Variants in SASH1 observed in about 807,000 individuals in gnomAD.
The protein encoded by SASH1 is SAM and SH3 domain-containing protein 1.
Under a neutral mutation model 125.2 loss-of-function variants are expected in SASH1, and 44 were observed. The ratio of observed to expected loss-of-function variants is 0.35; its 90% CI spans 0.28 to 0.45. The LOEUF (loss-of-function observed/expected upper bound fraction) is 0.45, where lower values mean the gene tolerates loss of function less well. Ranked by LOEUF, SASH1 falls within the 20% of genes least tolerant of loss-of-function variation. The probability of loss-of-function intolerance (pLI) is 1.00; values close to 1 mark genes in which losing one functional copy is unlikely to be tolerated. For missense variants in SASH1, 1,426 were observed against 1,614.5 expected (o/e 0.88, Z 2.00); for synonymous variants, 639 against 649.1 (o/e 0.98, Z 0.24).
At chr6:148,302,344 A>G (rs1779986336) in intron 1 of SASH1, among the ~76,000 whole-genome samples, 3 of 134,898 alleles carry the variant, frequency 2.2e-5, no homozygotes, top group Non-Finnish European at 1.6e-5. Context: ...AAAAAAAACT[A>G]GTAATATTAT....
rs372813673 is a variant in SASH1, at chr6:148,492,971, A to G, written c.729+5256A>G. Among the ~76,000 whole-genome samples the G allele has an allele frequency of 8.5e-5, 13 of 152,370 alleles. No individual in the cohort carries two copies. In the East Asian group the frequency reaches 2.5e-3, roughly 29 times the overall value. ...CTATTTCTTCATAGATGGCCCGCAA[A>G]TAAATTCAGCCTGTCTTAGTTAGAC... On this transcript the variant is annotated intron_variant, in intron 8 of 19. Transcript: ENST00000367467.
the SASH1 span, among the ~76,000 whole-genome samples, chr6:148,242,318 A>G: frequency 6.6e-6 from 1 of 152,174 alleles, no homozygotes; most frequent in Non-Finnish European, 1.5e-5. Flanking sequence ...CTGGATGGAA[A>G]CCCTCTTTTT....
chr6:148,335,798 G>A (rs191300051), intron 1 of SASH1, among the ~76,000 whole-genome samples: 4 of 152,100 alleles, frequency 2.6e-5, no homozygotes, highest in South Asian at 2.1e-4. Context: ...TAATCACCCC[G>A]CCCCACCCGA....
At chr6:148,244,934 G>A in the SASH1 span, among the ~76,000 whole-genome samples, 21 of 79,008 alleles carry the variant, frequency 2.7e-4, no homozygotes, top group Non-Finnish European at 3.4e-4. Flanking sequence ...GTGTGTGTAT[G>A]TGTGTGTGTG....
intron 9 of SASH1, among the ~76,000 whole-genome samples, chr6:148,517,919 T>G (rs1780536434): frequency 6.6e-6 from 1 of 152,198 alleles, no homozygotes; most frequent in Non-Finnish European, 1.5e-5. Context: ...CCTTTGTACA[T>G]CTGCGTGGAC....
the SASH1 span, among the ~76,000 whole-genome samples, chr6:148,237,409 A>G: frequency 6.6e-6 from 1 of 152,168 alleles, no homozygotes; most frequent in Non-Finnish European, 1.5e-5. Flanking sequence ...CTCTCTATCT[A>G]TACTTAATAC....
chr6:148,318,514 T>C (rs1780541034), intron 1 of SASH1, among the ~76,000 whole-genome samples: 1 of 152,092 alleles, frequency 6.6e-6, no homozygotes, highest in African/African-American at 2.4e-5. Context: ...CATTGGCAGC[T>C]TCTTTTCTCA....
At position 148,343,138 on chromosome 6, in the gene SASH1, C is replaced by CGCCGGAGCCGGAACCGGA; in HGVS notation, c.75_92dup (p.Glu26_Pro31dup). ...GAGCCCGAGCCGGAGCCCGAGCCCG[C>CGCCGGAGCCGGAACCGGA]GCCGGAGCCGGAACCGGAGCCCAAG... On this transcript the variant is annotated inframe_insertion, in exon 1 of 20. Transcript: ENST00000367467. 6.3e-7 allele frequency: 1 copy of CGCCGGAGCCGGAACCGGA among 1,579,892 alleles called. No individual in the cohort carries two copies. Among genetic ancestry groups the CGCCGGAGCCGGAACCGGA allele is most frequent in the Non-Finnish European group, 8.6e-7 (1 of 1,162,300 alleles).
At chr6:148,312,778 T>C (rs1207432246) in intron 1 of SASH1, among the ~76,000 whole-genome samples, 1 of 152,214 alleles carries the variant, frequency 6.6e-6, no homozygotes, top group Non-Finnish European at 1.5e-5. Flanking sequence ...ATATTCATTA[T>C]ATAAGTTAAT....
chr6:148,512,914 C>G, intron 8 of SASH1: 1 of 985,370 alleles, frequency 1.0e-6, no homozygotes. Context: ...GATAGTCATA[C>G]AGGGAGAAAG....
chr6:148,200,000 G>A, the SASH1 span, among the ~76,000 whole-genome samples: 2 of 152,036 alleles, frequency 1.3e-5, no homozygotes, highest in Non-Finnish European at 2.9e-5. Context: ...ACCCGGAATA[G>A]TAGTATTTCT....
At chr6:148,253,545 T>C in the SASH1 span, among the ~76,000 whole-genome samples, 2 of 152,270 alleles carry the variant, frequency 1.3e-5, no homozygotes, top group Non-Finnish European at 2.9e-5. Context: ...AAGAATGTGA[T>C]TTCACTTCAT....
chr6:148,424,009 A>AG (rs1210243565), intron 2 of SASH1, among the ~76,000 whole-genome samples: 2 of 150,674 alleles, frequency 1.3e-5, no homozygotes, highest in Admixed American at 6.6e-5. Flanking sequence ...CAGTTTCTGA[A>AG]GAAAAAAAAA....
At chr6:148,235,423 A>G in the SASH1 span, among the ~76,000 whole-genome samples, 2 of 152,190 alleles carry the variant, frequency 1.3e-5, no homozygotes, top group South Asian at 2.1e-4. Flanking sequence ...AACCTACTCA[A>G]TCATGGAGGC....
rs1780675918 is a variant in SASH1 at position 148,519,618 on chromosome 6, A to G, written c.934A>G (p.Lys312Glu). ...GTCCGCCCTCTACTCTGGCGTGCACAAGAAGCCCCTTTTCTTTGATGGCTC... is the reference window on the plus strand; with the variant it reads ...GTCCGCCCTCTACTCTGGCGTGCACGAGAAGCCCCTTTTCTTTGATGGCTC... ...ERSALYSGVH[K>E]KPLFFDGSPE... The change falls in exon 10 of 20, where the codon AAG (lysine) becomes GAG (glutamate). Residue 312 changes from lysine to glutamate, a missense_variant. By Grantham distance (56) the Lys-to-Glu change is moderately conservative (BLOSUM62 1). This residue lies in a region of SASH1 where 567 missense variants were observed against 575.6 expected (regional missense o/e 0.99). Coordinates refer to ENST00000367467, the MANE Select transcript of SASH1 (RefSeq NM_015278.5). The surrounding 1 kb of genome is among the most constrained non-coding windows in gnomAD (Gnocchi z 4.8). The G allele has an allele frequency of 6.2e-7, 1 of 1,614,168 alleles. No homozygotes were observed. The highest frequency in any genetic ancestry group is 2.2e-5 in the East Asian group (1 of 44,864).
At chr6:148,350,649 A>G (rs940188247) in intron 1 of SASH1, among the ~76,000 whole-genome samples, 33 of 152,172 alleles carry the variant, frequency 2.2e-4, no homozygotes, top group African/African-American at 7.0e-4. Context: ...ATCCCACTGT[A>G]ATAGACGATG....
At chr6:148,488,920 G>T (rs1466436698) in intron 8 of SASH1, among the ~76,000 whole-genome samples, 1 of 151,940 alleles carries the variant, frequency 6.6e-6, no homozygotes, top group African/African-American at 2.4e-5. Context: ...CCACTCTGTG[G>T]GATGCCTTTT....
chr6:148,478,036 C>T (rs1778447056), intron 7 of SASH1, among the ~76,000 whole-genome samples: 1 of 151,994 alleles, frequency 6.6e-6, no homozygotes, highest in Non-Finnish European at 1.5e-5. Flanking sequence ...ATAACAAATG[C>T]TGTTAAGGAT....
At chr6:148,448,115 A>AGAGAGTGTGTGTGTGT (rs374141600) in intron 4 of SASH1, among the ~76,000 whole-genome samples, 5 of 146,816 alleles carry the variant, frequency 3.4e-5, no homozygotes, top group African/African-American at 5.2e-5. Flanking sequence ...CAGTGGAGAG[A>AGAGAGTGTGTGTGTGT]GTGTGTGTGT....
Sources: gnomAD v4.1 joint callset for allele counts (sites outside exome capture counted in the v4.1 genomes callset) on GRCh38, gnomAD v4.1.1 for gene constraint, gnomAD v4.1.1 regional missense constraint, Gnocchi (gnomAD v3.1) non-coding constraint, MANE v1.5 for transcripts, NCBI Gene and HGNC (gene_info 2026-07-23, HGNC 2026-07-21) for gene names.